Variants in MYO1E observed in about 807,000 individuals in gnomAD.
MYO1E encodes unconventional myosin-Ie.
Under a neutral mutation model 151.1 loss-of-function variants are expected in MYO1E, and 68 were observed. The ratio of observed to expected loss-of-function variants is 0.45; its 90% confidence interval spans 0.37 to 0.55. The LOEUF (loss-of-function observed/expected upper bound fraction) is 0.55, where lower values mean the gene tolerates loss of function less well. Ranked by LOEUF, MYO1E falls within the 20% of genes least tolerant of loss-of-function variation. The pLI is 0.00. For missense variants in MYO1E, 1,363 were observed against 1,389.3 expected (o/e 0.98, Z 0.30); for synonymous variants, 601 against 501.7 (o/e 1.20, Z -2.64).
At chr15:59,224,212 A>G (rs1174251847) in intron 8 of MYO1E, among the ~76,000 whole-genome samples, 1 of 152,232 alleles carries the variant, frequency 6.6e-6, no homozygotes, top group African/African-American at 2.4e-5. Context: ...TGTGAAGGGC[A>G]TGGCACAGAA....
At chr15:59,150,308 G>A (rs1221013919) in intron 26 of MYO1E, among the ~76,000 whole-genome samples, 1 of 152,188 alleles carries the variant, frequency 6.6e-6, no homozygotes, top group African/African-American at 2.4e-5. Context: ...TAGGCTGGAG[G>A]GTGGCAAAGG....
At chr15:59,270,185 ACACAAT>A (rs2080281125) in intron 2 of MYO1E, among the ~76,000 whole-genome samples, 1 of 152,256 alleles carries the variant, frequency 6.6e-6, no homozygotes, top group African/African-American at 2.4e-5. Flanking sequence ...TTTGCACCAC[ACACAAT>A]AAGTATGTGA....
At chr15:59,255,557 G>T (rs2080189379) in intron 4 of MYO1E, among the ~76,000 whole-genome samples, 1 of 152,108 alleles carries the variant, frequency 6.6e-6, no homozygotes, top group South Asian at 2.1e-4. Context: ...ACCATGCCCA[G>T]CTAATTTTTG....
chr15:59,372,314 C>G (rs187380857), intron 1 of MYO1E, among the ~76,000 whole-genome samples, 184 bp downstream of exon 1: 2 of 152,308 alleles, frequency 1.3e-5, no homozygotes, highest in African/African-American at 4.8e-5. Context: ...TGGCCCCTCG[C>G]TCGCTCTCCC....
In MYO1E at chr15:59,236,417, CACAA is replaced by C. The variant is rs1356617628; in HGVS notation, c.420+164_420+167del. Among the ~76,000 whole-genome samples the C allele has an allele frequency of 2.0e-4, 27 of 132,108 alleles. No individual in the cohort carries two copies. The East Asian group carries it at 3.0e-3, about 15-fold the overall frequency. 86.7% of individuals were successfully genotyped at this position (132,108 alleles called of 152,430 possible). ...ACACACACACACACACACACACACACACAAACACACATACATATGCTATTCCTTT... is the reference window on the plus strand; with the variant it reads ...ACACACACACACACACACACACACACACACACATACATATGCTATTCCTTT... On this transcript the variant is annotated intron_variant, in intron 5 of 27. Transcript: ENST00000288235.
At chr15:59,304,539 A>G (rs767602649) in intron 1 of MYO1E, among the ~76,000 whole-genome samples, 6 of 152,238 alleles carry the variant, frequency 3.9e-5, no homozygotes, top group Non-Finnish European at 7.3e-5. Flanking sequence ...TTATTTAGGT[A>G]TGACACAAAA....
At chr15:59,229,941 T>A (rs1219536173) in intron 6 of MYO1E, among the ~76,000 whole-genome samples, 3 of 152,188 alleles carry the variant, frequency 2.0e-5, no homozygotes, top group Non-Finnish European at 4.4e-5. Flanking sequence ...CAATATATTA[T>A]GAATATCTTT....
At chr15:59,363,393 T>C (rs563269607) in intron 1 of MYO1E, among the ~76,000 whole-genome samples, 192 of 152,348 alleles carry the variant, frequency 1.3e-3, no homozygotes, top group Non-Finnish European at 2.0e-3. Context: ...TAACAGACAA[T>C]GTTCTTAAGT....
rs949471839 is a variant in MYO1E, at chr15:59,321,944, C to T, written c.4-49495G>A. Among the ~76,000 whole-genome samples, 19 of 152,054 alleles carry T rather than the reference C, an allele frequency of 1.2e-4. 1 individual carries two copies. Among genetic ancestry groups the T allele is most frequent in the Non-Finnish European group, 1.5e-5 (1 of 68,000 alleles). On this transcript the variant is annotated intron_variant, in intron 1 of 27. Transcript: ENST00000288235. ...TCCCAGCACTTTGGGGAGGCCAAGG[C>T]AGGCAGACCACCTGAGGTCAGGAAT...
At position 59,188,173 on chromosome 15, in the gene MYO1E, G is replaced by GA; in HGVS notation, c.1848dup (p.Arg617SerfsTer59). The stretch of plus-strand genomic sequence containing the variant: ...TAGGCATAGCCAGCTCTTCTCACTC[G>GA]AATGTTCTCTTTCAGACCCAAATAT... On this transcript the variant is annotated frameshift_variant, in exon 18 of 28. Coordinates refer to ENST00000288235, the MANE Select transcript of MYO1E (RefSeq NM_004998.4). LOFTEE classifies it high-confidence loss of function. 6.2e-7 allele frequency: 1 copy of GA among 1,614,114 alleles called. No homozygotes were observed. The highest frequency in any genetic ancestry group is 8.5e-7 in the Non-Finnish European group (1 of 1,180,036).
chr15:59,209,548 C>T (rs1457552149), intron 13 of MYO1E, among the ~76,000 whole-genome samples: 2 of 151,696 alleles, frequency 1.3e-5, no homozygotes, highest in Non-Finnish European at 2.9e-5. Context: ...TGGTGGTGGG[C>T]GCCTGTAATC....
chr15:59,170,159 T>TAAAAC (rs199974292), intron 22 of MYO1E, among the ~76,000 whole-genome samples: 6,863 of 151,696 alleles, frequency 0.045, 236 homozygotes, highest in African/African-American at 0.075. Flanking sequence ...AGACTCTGTC[T>TAAAAC]AAAACAAAAC....
At chr15:59,233,092 G>T (rs1196045484) in intron 5 of MYO1E, among the ~76,000 whole-genome samples, 1 of 115,814 alleles carries the variant, frequency 8.6e-6, no homozygotes, top group Non-Finnish European at 1.9e-5. Flanking sequence ...TTGAGTTTGT[G>T]GATCTTCATT....
chr15:59,185,199 G>A (rs148369589), intron 18 of MYO1E, among the ~76,000 whole-genome samples: 2,735 of 152,044 alleles, frequency 0.018, 36 homozygotes, highest in Non-Finnish European at 0.028. Flanking sequence ...ATCCCTTGTC[G>A]GATGGTTTGC....
chr15:59,278,135 G>A (rs1243371095), intron 1 of MYO1E, among the ~76,000 whole-genome samples: 1 of 152,202 alleles, frequency 6.6e-6, no homozygotes, highest in Non-Finnish European at 1.5e-5. Flanking sequence ...CTAAGTCCAG[G>A]TTTGAAAGGT....
intron 8 of MYO1E, among the ~76,000 whole-genome samples, chr15:59,224,133 A>T (rs1024955511): frequency 5.9e-5 from 9 of 152,148 alleles, no homozygotes; most frequent in African/African-American, 1.7e-4. Flanking sequence ...GTTCTACATT[A>T]TTGCCCCCAG....
At chr15:59,163,895 C>T (rs1316098114) in intron 22 of MYO1E, among the ~76,000 whole-genome samples, 2 of 152,154 alleles carry the variant, frequency 1.3e-5, no homozygotes, top group Admixed American at 6.6e-5. Context: ...TTCAGAAATG[C>T]GAAGGCCAGA....
At chr15:59,287,601 C>T (rs947688109) in intron 1 of MYO1E, among the ~76,000 whole-genome samples, 20 of 152,124 alleles carry the variant, frequency 1.3e-4, no homozygotes, top group African/African-American at 4.1e-4. Flanking sequence ...CCTCGGATGA[C>T]GCCATTTTGT....
chr15:59,296,111 T>A (rs1378808420), intron 1 of MYO1E, among the ~76,000 whole-genome samples: 2 of 152,106 alleles, frequency 1.3e-5, no homozygotes, highest in Non-Finnish European at 2.9e-5. Context: ...AGCTTAGCAA[T>A]GCACCACCCT....
Sources: gnomAD v4.1 joint callset for allele counts (sites outside exome capture counted in the v4.1 genomes callset) on GRCh38, gnomAD v4.1.1 for gene constraint, MANE v1.5 for transcripts, NCBI Gene and HGNC (gene_info 2026-07-23, HGNC 2026-07-21) for gene names.